The following UPF1 variants were observed in gnomAD, a reference collection of about 807,000 sequenced individuals.
The protein encoded by UPF1 is UPF1 RNA helicase and ATPase.
UPF1 carries 9 observed loss-of-function variants against 129.2 expected under a neutral mutation model. The ratio of observed to expected loss-of-function variants is 0.07; its 90% CI spans 0.04 to 0.12. The LOEUF (loss-of-function observed/expected upper bound fraction) is 0.12, where lower values mean the gene tolerates loss of function less well. Ranked by LOEUF, UPF1 falls within the 10% of genes least tolerant of loss-of-function variation. The pLI is 1.00. For missense variants in UPF1, 788 were observed against 1,525.3 expected (o/e 0.52, Z 8.05); for synonymous variants, 649 against 644.9 (o/e 1.01, Z -0.10).
At chr19:18,864,315 C>T in intron 20 of UPF1, 64 bp downstream of exon 20, 2 of 1,465,766 alleles carry the variant, frequency 1.4e-6, no homozygotes, top group East Asian at 4.6e-5. Context: ...TGGCCGTTCC[C>T]ATGGCTGCAG....
intron 13 of UPF1, among the ~76,000 whole-genome samples, chr19:18,856,608 C>T (rs1416920330): frequency 1.3e-5 from 2 of 152,214 alleles, no homozygotes; most frequent in African/African-American, 4.8e-5. Context: ...GTTCCAGCAG[C>T]TCAGCACTGC....
Position 18,845,845 on chromosome 19 carries a change from C to T in UPF1, c.232-135C>T, listed in dbSNP as rs189029306. The T allele has an allele frequency of 9.7e-5, 129 of 1,333,998 alleles. No individual in the cohort carries two copies. In the African/African-American group the frequency reaches 1.9e-3, roughly 20 times the overall value. 82.6% of individuals were successfully genotyped at this position (1,333,998 alleles called of 1,614,324 possible). A position where few individuals can be genotyped will look rare whatever the true frequency, so the allele number is the denominator to read the frequency against. On this transcript the variant is annotated intron_variant, in intron 1 of 23. Transcript: ENST00000262803. ...TAGGTTTGCTAGAGAAGAGTGAAAT[C>T]CAGTCAGAACAAGGGAAACTGTCTC...
intron 1 of UPF1, among the ~76,000 whole-genome samples, chr19:18,837,950 C>T (rs1381185870): frequency 1.3e-5 from 2 of 152,246 alleles, no homozygotes; most frequent in African/African-American, 4.8e-5. Context: ...TCCTGCCAGA[C>T]TTCTCTGTAT....
chr19:18,865,233 T>C lies in UPF1; in HGVS notation c.2858-56T>C. The C allele has an allele frequency of 6.5e-7, 1 of 1,530,618 alleles. No homozygotes were observed. The highest frequency in any genetic ancestry group is 8.8e-7 in the Non-Finnish European group (1 of 1,131,090). The allele number at this position is 1,530,618 out of a possible 1,614,324, so 94.8% of individuals were successfully genotyped here. On this transcript the variant is annotated intron_variant, in intron 20 of 23. Transcript: ENST00000262803. This position sits in a 1 kb window ranked among gnomAD's most constrained non-coding sequence, Gnocchi z 6.1. Reference sequence around the variant, plus strand: ...ACTGGCTGGTGGGGTGGGTGGGGTATCGCTGGGGTTTGACCGAGGCAGGTG... The same window carrying C: ...ACTGGCTGGTGGGGTGGGTGGGGTACCGCTGGGGTTTGACCGAGGCAGGTG...
At chr19:18,852,691 C>G (rs2055673672) in intron 6 of UPF1, among the ~76,000 whole-genome samples, 2 of 150,708 alleles carry the variant, frequency 1.3e-5, no homozygotes, top group South Asian at 2.1e-4. Flanking sequence ...CTGTCCCTCC[C>G]TCCCCTCCTC....
chr19:18,853,599 C>T lies in UPF1; in HGVS notation c.1156+249C>T, dbSNP rs1162959136. Among the ~76,000 whole-genome samples, 5 of 152,160 alleles carry T rather than the reference C, an allele frequency of 3.3e-5. No homozygotes were observed. The highest frequency in any genetic ancestry group is 3.8e-4 in the East Asian group (2 of 5,196). ...TGTTGGTGATGCCACTTGTGTGGCG[C>T]GTCCCTGGGCTGACTCTGGAAGTTA... On this transcript the variant is annotated intron_variant, in intron 8 of 23. Transcript: ENST00000262803. The surrounding 1 kb of genome is among the most constrained non-coding windows in gnomAD (Gnocchi z 4.4).
Position 18,860,732 on chromosome 19 carries a change from C to T in UPF1, c.2301-94C>T, listed in dbSNP as rs1022739501. 1.1e-5 allele frequency: 16 copies of T among 1,521,390 alleles called. No homozygotes were observed. The East Asian group carries it at 1.2e-4, about 11-fold the overall frequency. The allele number at this position is 1,521,390 out of a possible 1,614,324, so 94.2% of individuals were successfully genotyped here. ...ACGCCAGTGATGGCAGCTGCCTTCC[C>T]GCAGGGTGTTGTGTCTGCACCCCTC... On this transcript the variant is annotated intron_variant, in intron 16 of 23. Coordinates refer to ENST00000262803, the MANE Select transcript of UPF1 (RefSeq NM_002911.4).
chr19:18,840,835 T>C (rs2055533417), intron 1 of UPF1, among the ~76,000 whole-genome samples: 1 of 152,202 alleles, frequency 6.6e-6, no homozygotes, highest in African/African-American at 2.4e-5. Context: ...GTTGGTCGAA[T>C]AGCAGCTTAA....
At chr19:18,856,418 C>G (rs576274910) in intron 13 of UPF1, 118 bp downstream of exon 13, 264 of 970,662 alleles carry the variant, frequency 2.7e-4, no homozygotes, top group Non-Finnish European at 3.1e-4. Context: ...CTTAGATGCT[C>G]TCTACTTGGC....
At chr19:18,836,491 C>G (rs1487223192) in intron 1 of UPF1, among the ~76,000 whole-genome samples, 1 of 152,130 alleles carries the variant, frequency 6.6e-6, no homozygotes, top group African/African-American at 2.4e-5. Flanking sequence ...TGCCAGCTAG[C>G]CTGCAGCAAT....
chr19:18,857,281 C>T, intron 14 of UPF1, 39 bp from the exon 15 acceptor site: 1 of 1,587,416 alleles, frequency 6.3e-7, no homozygotes, highest in Non-Finnish European at 8.6e-7. Flanking sequence ...CTGATTCACA[C>T]CTGAGCTTCT....
intron 1 of UPF1, among the ~76,000 whole-genome samples, chr19:18,843,281 C>A (rs1367036100): frequency 6.6e-6 from 1 of 152,074 alleles, no homozygotes; most frequent in Non-Finnish European, 1.5e-5. Context: ...CAGACAATGC[C>A]CCACGGGGGC....
chr19:18,856,226 A>G lies in UPF1; in HGVS notation c.1750A>G (p.Thr584Ala). Residue 584 changes from threonine to alanine, a missense_variant, in exon 13 of 24, where the codon ACT becomes GCT. Thr to Ala is a moderately conservative substitution (Grantham distance 58). This residue lies in a region of UPF1 where 91 missense variants were observed against 157.2 expected (regional missense o/e 0.58). Coordinates refer to ENST00000262803, the MANE Select transcript of UPF1 (RefSeq NM_002911.4). ...LQKLQQLKDETGELSSADEKR... is the reference protein window; with the variant it reads ...LQKLQQLKDEAGELSSADEKR... ...GAAGCTGCAGCAGCTGAAAGACGAG[A>G]CTGGGGAGCTGTCGTCTGCCGACGA... 1 of 1,610,986 alleles carries G rather than the reference A, an allele frequency of 6.2e-7. No individual in the cohort carries two copies. The highest frequency in any genetic ancestry group is 8.5e-7 in the Non-Finnish European group (1 of 1,177,616).
Position 18,853,115 on chromosome 19 carries a change from G to A in UPF1, c.1057+44G>A. ...TAATTTGGTTAAGAGGTGATTTTAA[G>A]TTTTAAAATATTTGTGACCATAAGT... On this transcript the variant is annotated intron_variant, in intron 7 of 23. Transcript: ENST00000262803. This position sits in a 1 kb window ranked among gnomAD's most constrained non-coding sequence, Gnocchi z 4.4. The A allele has an allele frequency of 6.2e-7, 1 of 1,610,718 alleles. No individual in the cohort carries two copies. The highest frequency in any genetic ancestry group is 8.5e-7 in the Non-Finnish European group (1 of 1,177,442).
In UPF1 at chr19:18,853,319, A is replaced by G; in HGVS notation, c.1125A>G (p.Lys375=). 1.9e-6 allele frequency: 3 copies of G among 1,612,896 alleles called. No individual in the cohort carries two copies. The highest frequency in any genetic ancestry group is 2.5e-6 in the Non-Finnish European group (3 of 1,179,224). ...AAGGGGACCTTGCGCCCCTGTGGAA[A>G]GGGATCGGCCACGTCATCAAGGTCC... is the stretch of plus-strand genomic sequence containing the variant. ...RYKGDLAPLW[K]GIGHVIKVPD... is the part of the protein sequence containing the mutation. Residue 375 remains lysine (K), a synonymous_variant, in exon 8 of 24, where the codon AAA becomes AAG. Coordinates refer to ENST00000262803, the MANE Select transcript of UPF1 (RefSeq NM_002911.4). The surrounding 1 kb of genome is among the most constrained non-coding windows in gnomAD (Gnocchi z 4.4).
Position 18,844,098 on chromosome 19 carries a change from G to A in UPF1, c.232-1882G>A, listed in dbSNP as rs376628193. On this transcript the variant is annotated intron_variant, in intron 1 of 23. Transcript: ENST00000262803. The stretch of plus-strand genomic sequence containing the variant: ...GTCTGAGTTCTGGAGCATGTCTCTG[G>A]GCAGAAAGCCCCTGTACAGCTCTTA... Among the ~76,000 whole-genome samples, 336 of 152,110 alleles carry A rather than the reference G, an allele frequency of 2.2e-3. 1 individual carries two copies. The Middle Eastern group carries it at 0.024, about 11-fold the overall frequency.
At position 18,854,874 on chromosome 19, in the gene UPF1, C is replaced by T. The variant is rs1406549063; in HGVS notation, c.1266-5C>T. On this transcript the variant is annotated splice_region_variant and splice_polypyrimidine_tract_variant and intron_variant, in intron 9 of 23. Coordinates refer to ENST00000262803, the MANE Select transcript of UPF1 (RefSeq NM_002911.4). ...CGTGTCGCCAACCCCAAACCCTCCT[C>T]ACAGGATGCAGAGCGCATTGAAAAC... 2 of 1,614,092 alleles carry T rather than the reference C, an allele frequency of 1.2e-6. No individual in the cohort carries two copies. Among genetic ancestry groups the T allele is most frequent in the East Asian group, 2.2e-5 (1 of 44,872 alleles).
intron 17 of UPF1, 47 bp downstream of exon 17, chr19:18,861,029 G>T (rs1189655764): frequency 1.3e-6 from 2 of 1,526,890 alleles, no homozygotes; most frequent in Non-Finnish European, 8.8e-7. Context: ...CCATGCAAGG[G>T]TATTGACCCT....
intron 2 of UPF1, among the ~76,000 whole-genome samples, chr19:18,847,279 T>G (rs1312194764): frequency 6.6e-6 from 1 of 152,114 alleles, no homozygotes; most frequent in Non-Finnish European, 1.5e-5. Context: ...CAGCCAGTGG[T>G]GGGGTGAGGC....
Sources: allele counts gnomAD v4.1 joint callset (sites outside exome capture counted in the v4.1 genomes callset), GRCh38; gene constraint gnomAD v4.1.1; regional missense constraint gnomAD v4.1.1; non-coding constraint Gnocchi (gnomAD v3.1); transcripts MANE v1.5; gene names NCBI Gene and HGNC (gene_info 2026-07-23, HGNC 2026-07-21).